The following MCHR2 variants were observed in gnomAD, a reference collection of about 807,000 sequenced individuals.
The protein encoded by MCHR2 is melanin-concentrating hormone receptor 2.
A neutral mutation model predicts 24.8 loss-of-function variants in MCHR2; 15 were observed. The ratio of observed to expected loss-of-function variants is 0.60; its 90% CI spans 0.40 to 0.93. MCHR2 has a LOEUF of 0.93. Among genes scored for constraint, MCHR2 ranks in the 40% least tolerant of loss-of-function variants. The pLI is 0.00. For missense variants in MCHR2, 386 were observed against 408.7 expected (o/e 0.94, Z 0.48); for synonymous variants, 151 against 147.6 (o/e 1.02, Z -0.17).
At position 99,918,937 on chromosome 6, in the gene MCHR2, G is replaced by C. The variant is rs1383817384; in HGVS notation, c.*2003C>G. 6.6e-6 allele frequency among the ~76,000 whole-genome samples: 1 copy of C among 152,092 alleles called. No homozygotes were observed. The highest frequency in any genetic ancestry group is 6.5e-5 in the Admixed American group (1 of 15,272). ...AAAAAGGTCTGTGGTTTAAAGCTAA[G>C]TCTTTAAAATCATAATATTTTTCTG... is the stretch of plus-strand genomic sequence containing the variant. On this transcript the variant is annotated 3_prime_UTR_variant, in exon 6 of 6. Coordinates refer to ENST00000281806, the MANE Select transcript of MCHR2 (RefSeq NM_001040179.2).
intron 4 of MCHR2, among the ~76,000 whole-genome samples, chr6:99,935,266 T>C (rs1208625884): frequency 6.6e-6 from 1 of 152,086 alleles, no homozygotes; most frequent in Non-Finnish European, 1.5e-5. Context: ...TAGGATATTT[T>C]AAAGTATAGT....
intron 1 of MCHR2, among the ~76,000 whole-genome samples, chr6:99,968,605 GA>G (rs1413081959): frequency 6.6e-6 from 1 of 151,906 alleles, no homozygotes; most frequent in Non-Finnish European, 1.5e-5. Context: ...TATTGGCTGG[GA>G]TTTTTTTTTT....
intron 1 of MCHR2, among the ~76,000 whole-genome samples, chr6:99,987,589 A>T (rs1307857500): frequency 2.0e-5 from 3 of 152,210 alleles, no homozygotes; most frequent in Non-Finnish European, 1.5e-5. Context: ...GTTTGACACA[A>T]CATTCCATGC....
intron 5 of MCHR2, among the ~76,000 whole-genome samples, chr6:99,926,630 T>C (rs1774365134): frequency 6.6e-6 from 1 of 152,244 alleles, no homozygotes; most frequent in Non-Finnish European, 1.5e-5. Flanking sequence ...TGCATAAATG[T>C]CTTCTTTTGA....
At chr6:99,977,895 T>A (rs1013227806) in intron 1 of MCHR2, among the ~76,000 whole-genome samples, 1 of 152,246 alleles carries the variant, frequency 6.6e-6, no homozygotes, top group Non-Finnish European at 1.5e-5. Flanking sequence ...TAATTTATGA[T>A]GTTAATATTC....
chr6:99,991,186 C>A (rs187075069), intron 1 of MCHR2, among the ~76,000 whole-genome samples: 1 of 151,890 alleles, frequency 6.6e-6, no homozygotes, highest in Admixed American at 6.6e-5. Flanking sequence ...CCTATGGGGC[C>A]CAGGACCTCC....
intron 1 of MCHR2, among the ~76,000 whole-genome samples, chr6:99,982,271 C>T (rs1027217861): frequency 1.3e-5 from 2 of 151,846 alleles, no homozygotes; most frequent in Non-Finnish European, 2.9e-5. Context: ...CGACTCACAT[C>T]AACCCACCTT....
chr6:99,951,236 A>G (rs1368243929), intron 2 of MCHR2, among the ~76,000 whole-genome samples: 1 of 152,072 alleles, frequency 6.6e-6, no homozygotes, highest in Non-Finnish European at 1.5e-5. Context: ...ATTTAACTCT[A>G]GTTGAATTAA....
intron 3 of MCHR2, among the ~76,000 whole-genome samples, chr6:99,944,790 A>T (rs1774844297): frequency 6.6e-6 from 1 of 152,148 alleles, no homozygotes; most frequent in Non-Finnish European, 1.5e-5. Context: ...AAAACCTTTC[A>T]GTGGTTTTCC....
At chr6:99,992,900 A>G (rs537832125) in intron 1 of MCHR2, among the ~76,000 whole-genome samples, 106 of 152,106 alleles carry the variant, frequency 7.0e-4, no homozygotes, top group Admixed American at 1.4e-3. Context: ...ATTTCCAGCC[A>G]GTCAGCATCC....
At chr6:99,927,329 G>T (rs1397894792) in intron 5 of MCHR2, among the ~76,000 whole-genome samples, 1 of 152,040 alleles carries the variant, frequency 6.6e-6, no homozygotes, top group Non-Finnish European at 1.5e-5. Flanking sequence ...GCTCTTTTTT[G>T]GTTCCATATG....
chr6:99,949,813 C>T (rs796840347), intron 2 of MCHR2, among the ~76,000 whole-genome samples: 1 of 151,630 alleles, frequency 6.6e-6, no homozygotes, highest in African/African-American at 2.4e-5. Flanking sequence ...AGCTGACTGT[C>T]CTTGGTCTCT....
At chr6:99,937,575 G>A (rs572320043) in intron 4 of MCHR2, among the ~76,000 whole-genome samples, 1 of 151,634 alleles carries the variant, frequency 6.6e-6, no homozygotes, top group African/African-American at 2.4e-5. Flanking sequence ...CATGATATAC[G>A]ATTTTTTTAA....
At chr6:99,929,764 C>T (rs1480625963) in intron 5 of MCHR2, among the ~76,000 whole-genome samples, 1 of 151,732 alleles carries the variant, frequency 6.6e-6, no homozygotes, top group Non-Finnish European at 1.5e-5. Context: ...CTGAATACAG[C>T]ACACTGATGC....
chr6:99,961,024 G>T (rs574646758), intron 1 of MCHR2, among the ~76,000 whole-genome samples: 1 of 151,998 alleles, frequency 6.6e-6, no homozygotes, highest in African/African-American at 2.4e-5. Flanking sequence ...AAAAGAAACT[G>T]TCATGAGAGT....
At chr6:99,958,114 T>A (rs543023307) in intron 1 of MCHR2, among the ~76,000 whole-genome samples, 1 of 152,076 alleles carries the variant, frequency 6.6e-6, no homozygotes, top group Non-Finnish European at 1.5e-5. Context: ...ATCTACACAG[T>A]GTGATATTTG....
chr6:99,962,279 G>A (rs1562128455), intron 1 of MCHR2, among the ~76,000 whole-genome samples: 1 of 152,172 alleles, frequency 6.6e-6, no homozygotes, highest in Non-Finnish European at 1.5e-5. Flanking sequence ...CATGTCTTCA[G>A]AGAAATGAAG....
Position 99,967,159 on chromosome 6 carries a change from T to TAA in MCHR2, c.-27-10987_-27-10986dup, listed in dbSNP as rs539361872. 1.3e-3 allele frequency among the ~76,000 whole-genome samples: 197 copies of TAA among 148,014 alleles called. 1 individual carries two copies. Among genetic ancestry groups the TAA allele is most frequent in the African/African-American group, 3.2e-3 (131 of 40,412 alleles). On this transcript the variant is annotated intron_variant, in intron 1 of 5. Transcript: ENST00000281806. ...CTTTTGGTAGCAAGATTGTTTTTCT[T>TAA]AAAAAAAAAAACAGAAATTTATGCT...
rs962008414 is a variant in MCHR2, at chr6:99,921,028, T to C, written c.935A>G (p.Asn312Ser). The C allele has an allele frequency of 3.7e-6, 6 of 1,614,058 alleles. No homozygotes were observed. The highest frequency in any genetic ancestry group is 2.5e-6 in the Non-Finnish European group (3 of 1,180,028). ...NPFLYILLSG[N>S]FQKRLPQIQR... is the part of the protein sequence containing the mutation. The stretch of plus-strand genomic sequence containing the variant: ...GATTTGAGGCAGACGTTTCTGGAAA[T>C]TTCCACTCAGCAGGATGTAGAGAAA... The change falls in exon 6 of 6, where the codon AAT becomes AGT. Residue 312 changes from asparagine (N) to serine (S), a missense_variant. Asn to Ser is a conservative substitution (Grantham distance 46, BLOSUM62 1). Coordinates refer to ENST00000281806, the MANE Select transcript of MCHR2 (RefSeq NM_001040179.2).
Sources: allele counts gnomAD v4.1 joint callset (sites outside exome capture counted in the v4.1 genomes callset), GRCh38; gene constraint gnomAD v4.1.1; transcripts MANE v1.5; gene names NCBI Gene and HGNC (gene_info 2026-07-23, HGNC 2026-07-21).